OSTM1: variants seen among roughly 807,000 people sequenced by gnomAD.
The protein encoded by OSTM1 is osteopetrosis-associated transmembrane protein 1.
In OSTM1, 26 loss-of-function variants were observed where a neutral mutation model predicts 35.4. That is an observed-to-expected ratio of 0.73 (90% CI 0.54 to 1.02). OSTM1 has a LOEUF of 1.02. Among genes scored for constraint, OSTM1 ranks in the 50% least tolerant of loss-of-function variants. The probability of loss-of-function intolerance (pLI) is 0.00; values close to 1 mark genes in which losing one functional copy is unlikely to be tolerated. For synonymous variants in OSTM1, 181 were observed against 165.0 expected, an observed-to-expected ratio of 1.10 and a Z score of -0.75; for missense variants, 366 against 409.6, an observed-to-expected ratio of 0.89 and a Z score of 0.92.
chr6:108,074,228 C>G, intron 1 of OSTM1, 22 bp downstream of exon 1: 1 of 1,610,384 alleles, frequency 6.2e-7, no homozygotes, highest in Middle Eastern at 1.6e-4. Context: ...AGCCACAGTC[C>G]CGGACGTGGT....
chr6:108,053,973 T>A (rs1487642128), intron 3 of OSTM1, among the ~76,000 whole-genome samples: 2 of 152,002 alleles, frequency 1.3e-5, no homozygotes, highest in Non-Finnish European at 2.9e-5. Context: ...AATTCAAGAG[T>A]CAGAGATAGA....
chr6:108,066,261 C>G (rs552065375), intron 1 of OSTM1, among the ~76,000 whole-genome samples: 4 of 152,134 alleles, frequency 2.6e-5, no homozygotes, highest in African/African-American at 9.6e-5. Context: ...TACACTACTT[C>G]CATAGATCAG....
chr6:108,054,082 G>C (rs1430551845), intron 3 of OSTM1, among the ~76,000 whole-genome samples: 2 of 152,034 alleles, frequency 1.3e-5, no homozygotes, highest in African/African-American at 4.8e-5. Context: ...TTTTAAGGTA[G>C]GTAAAACATA....
rs746912487 is a variant in OSTM1 at position 108,044,646 on chromosome 6, C to T, written c.*139G>A. 1 of 526,696 alleles carries T rather than the reference C, an allele frequency of 1.9e-6. No individual in the cohort carries two copies. The highest frequency in any genetic ancestry group is 3.4e-6 in the Non-Finnish European group (1 of 290,662). 32.6% of individuals were successfully genotyped at this position (526,696 alleles called of 1,614,324 possible). ...GAAAAGGAAAGAAAAATCGAAAATTCTTATTTAAAAATGGATCTGAAGTCC... is the reference window on the plus strand; with the variant it reads ...GAAAAGGAAAGAAAAATCGAAAATTTTTATTTAAAAATGGATCTGAAGTCC... On this transcript the variant is annotated 3_prime_UTR_variant, in exon 6 of 6. Coordinates refer to ENST00000193322, the MANE Select transcript of OSTM1 (RefSeq NM_014028.4).
intron 1 of OSTM1, among the ~76,000 whole-genome samples, chr6:108,073,360 C>A (rs2114615122): frequency 6.6e-6 from 1 of 152,296 alleles, no homozygotes; most frequent in South Asian, 2.1e-4. Flanking sequence ...CTCCCACCAA[C>A]CCTGACACTC....
chr6:108,068,543 C>T (rs1038521293), intron 1 of OSTM1, among the ~76,000 whole-genome samples: 7 of 152,112 alleles, frequency 4.6e-5, no homozygotes, highest in Admixed American at 2.6e-4. Context: ...TTTCCTTACT[C>T]CCCACATTCA....
rs1034624335 is a variant in OSTM1 at position 108,041,677 on chromosome 6, T to G, written c.*3108A>C. 1 of 152,110 alleles carries G rather than the reference T, an allele frequency of 6.6e-6. No individual in the cohort carries two copies. Among genetic ancestry groups the G allele is most frequent in the Admixed American group, 6.5e-5 (1 of 15,276 alleles). The allele number at this position is 152,110 out of a possible 1,614,324, so 9.4% of individuals were successfully genotyped here. On this transcript the variant is annotated 3_prime_UTR_variant, in exon 6 of 6. Coordinates refer to ENST00000193322, the MANE Select transcript of OSTM1 (RefSeq NM_014028.4). Reference sequence around the variant, plus strand: ...AGCATCTCAAGTCTCCATTTAAGAGTTGACTATCAAAGAATGACTGTTATA... The same window carrying G: ...AGCATCTCAAGTCTCCATTTAAGAGGTGACTATCAAAGAATGACTGTTATA...
At chr6:108,059,705 C>T (rs970430281) in intron 2 of OSTM1, among the ~76,000 whole-genome samples, 5 of 151,972 alleles carry the variant, frequency 3.3e-5, no homozygotes, top group African/African-American at 1.2e-4. Flanking sequence ...CTGAATGTGT[C>T]TCCCAAAATT....
chr6:108,073,885 T>C (rs1291785240), intron 1 of OSTM1: 1 of 304,358 alleles, frequency 3.3e-6, no homozygotes, highest in African/African-American at 2.2e-5. Context: ...TTCTAACCAC[T>C]ACCAGTGTCT....
intron 1 of OSTM1, among the ~76,000 whole-genome samples, chr6:108,068,044 CTT>C (rs1429008350): frequency 7.9e-5 from 12 of 152,242 alleles, no homozygotes; most frequent in Non-Finnish European, 5.9e-5. Flanking sequence ...CAAATTCACT[CTT>C]GTTAGTGTCA....
intron 5 of OSTM1, among the ~76,000 whole-genome samples, chr6:108,046,948 T>A (rs1451504138): frequency 6.6e-6 from 1 of 152,186 alleles, no homozygotes; most frequent in African/African-American, 2.4e-5. Flanking sequence ...GCCTTTATAT[T>A]CCCTACCTGA....
At chr6:108,065,838 G>T (rs1772367383) in intron 1 of OSTM1, among the ~76,000 whole-genome samples, 1 of 152,100 alleles carries the variant, frequency 6.6e-6, no homozygotes, top group African/African-American at 2.4e-5. Flanking sequence ...TGGGTGACTG[G>T]CTATTTTAAA....
intron 1 of OSTM1, among the ~76,000 whole-genome samples, chr6:108,070,817 G>C (rs1219067552): frequency 6.6e-6 from 1 of 150,692 alleles, no homozygotes; most frequent in African/African-American, 2.4e-5. Context: ...TTGAACCTGG[G>C]AGGCGAAGGT....
At chr6:108,063,209 G>A (rs1772317640) in intron 2 of OSTM1, among the ~76,000 whole-genome samples, 1 of 151,886 alleles carries the variant, frequency 6.6e-6, no homozygotes. Context: ...TGTAGAGATG[G>A]GGGTCTCACT....
chr6:108,072,641 A>G (rs1355889714), intron 1 of OSTM1, among the ~76,000 whole-genome samples: 1 of 133,892 alleles, frequency 7.5e-6, no homozygotes, highest in Non-Finnish European at 1.6e-5. Context: ...TGTCTCAGAA[A>G]AAAAAGAAAA....
At chr6:108,067,560 C>T (rs1011192535) in intron 1 of OSTM1, among the ~76,000 whole-genome samples, 2 of 138,066 alleles carry the variant, frequency 1.4e-5, no homozygotes, top group South Asian at 2.2e-4. Context: ...AGCCTGGCAC[C>T]GTGGCTCACG....
chr6:108,047,072 G>A (rs1237904186), intron 5 of OSTM1, among the ~76,000 whole-genome samples: 1 of 152,128 alleles, frequency 6.6e-6, no homozygotes, highest in Non-Finnish European at 1.5e-5. Context: ...AAATAAAGTA[G>A]AGAATAAATG....
intron 2 of OSTM1, among the ~76,000 whole-genome samples, 153 bp downstream of exon 2, chr6:108,064,032 C>T (rs1450855725): frequency 2.0e-5 from 3 of 152,136 alleles, no homozygotes; most frequent in African/African-American, 7.2e-5. Context: ...TGCTCAGTTG[C>T]CATTAATAAA....
chr6:108,055,190 G>C (rs898177821), intron 2 of OSTM1, among the ~76,000 whole-genome samples: 1 of 152,100 alleles, frequency 6.6e-6, no homozygotes, highest in African/African-American at 2.4e-5. Context: ...TACATAAATG[G>C]TATTTCTCTG....
Sources: gnomAD v4.1 joint callset for allele counts (sites outside exome capture counted in the v4.1 genomes callset) on GRCh38, gnomAD v4.1.1 for gene constraint, MANE v1.5 for transcripts, NCBI Gene and HGNC (gene_info 2026-07-23, HGNC 2026-07-21) for gene names.